The following MBD5 variants were observed in gnomAD, a reference collection of about 807,000 sequenced individuals.
MBD5 encodes the protein methyl-CpG-binding domain protein 5.
In MBD5, 13 loss-of-function variants were observed where a neutral mutation model predicts 117.3. The ratio of observed to expected loss-of-function variants is 0.11; its 90% CI spans 0.07 to 0.18. The LOEUF (loss-of-function observed/expected upper bound fraction) is 0.18. Ranked by LOEUF, MBD5 falls within the 10% of genes least tolerant of loss-of-function variation. The probability of loss-of-function intolerance (pLI) is 1.00; values close to 1 mark genes in which losing one functional copy is unlikely to be tolerated. For missense variants in MBD5, 1,879 were observed against 2,093.8 expected (o/e 0.90, Z 2.00); for synonymous variants, 727 against 766.4 (o/e 0.95, Z 0.85).
intron 1 of MBD5, among the ~76,000 whole-genome samples, chr2:148,087,003 A>T (rs1034070217): frequency 2.0e-5 from 3 of 152,066 alleles, no homozygotes; most frequent in African/African-American, 4.8e-5. Context: ...TGCAGTTATT[A>T]AAAAAAACTG....
intron 2 of MBD5, among the ~76,000 whole-genome samples, chr2:148,223,774 G>A (rs774093679): frequency 3.3e-5 from 5 of 151,808 alleles, no homozygotes; most frequent in African/African-American, 4.8e-5. Context: ...TTTGGGTTTG[G>A]TTTGCTCTTG....
At chr2:148,370,228 T>C (rs917786829) in intron 4 of MBD5, among the ~76,000 whole-genome samples, 1 of 152,142 alleles carries the variant, frequency 6.6e-6, no homozygotes, top group Non-Finnish European at 1.5e-5. Context: ...TATCAAAATA[T>C]CCTCAATTTT....
intron 3 of MBD5, among the ~76,000 whole-genome samples, chr2:148,324,265 G>T (rs564833742): frequency 4.6e-5 from 7 of 152,194 alleles, no homozygotes. Context: ...ATAGTTTGAA[G>T]TCAGGTAGTG....
At chr2:148,039,779 G>A (rs1694303875) in intron 1 of MBD5, among the ~76,000 whole-genome samples, 2 of 152,102 alleles carry the variant, frequency 1.3e-5, no homozygotes, top group Non-Finnish European at 2.9e-5. Flanking sequence ...GTGTTTTAAG[G>A]AGTTATGTTA....
chr2:148,081,903 G>A (rs1261830702), intron 1 of MBD5, among the ~76,000 whole-genome samples: 1 of 152,188 alleles, frequency 6.6e-6, no homozygotes, highest in Non-Finnish European at 1.5e-5. Flanking sequence ...CATCTTGAGA[G>A]TGATTGCATT....
chr2:148,360,159 A>G (rs1703492838), intron 4 of MBD5, among the ~76,000 whole-genome samples: 1 of 152,178 alleles, frequency 6.6e-6, no homozygotes, highest in African/African-American at 2.4e-5. Context: ...AAAATGTATT[A>G]TAAACCCTCC....
intron 1 of MBD5, among the ~76,000 whole-genome samples, chr2:148,051,681 C>A (rs1694708357): frequency 6.8e-6 from 1 of 147,874 alleles, no homozygotes. Flanking sequence ...TTGTCATATG[C>A]TTTTTCTGCA....
intron 4 of MBD5, among the ~76,000 whole-genome samples, chr2:148,422,849 A>G (rs1003598493): frequency 6.6e-6 from 1 of 152,210 alleles, no homozygotes; most frequent in Admixed American, 6.5e-5. Flanking sequence ...ATGAAGATCA[A>G]TTTAATGAAA....
intron 3 of MBD5, among the ~76,000 whole-genome samples, chr2:148,275,401 AG>A (rs1188505878): frequency 6.6e-6 from 1 of 152,104 alleles, no homozygotes; most frequent in Non-Finnish European, 1.5e-5. Flanking sequence ...ATGTATGTAG[AG>A]AGAGGGATTT....
At chr2:148,063,768 G>A (rs937635634) in intron 1 of MBD5, among the ~76,000 whole-genome samples, 1 of 152,000 alleles carries the variant, frequency 6.6e-6, no homozygotes, top group Non-Finnish European at 1.5e-5. Context: ...TAATATTGCT[G>A]TTTTCTTATT....
At chr2:148,344,904 AAAGT>A (rs2105172999) in intron 4 of MBD5, among the ~76,000 whole-genome samples, 1 of 152,022 alleles carries the variant, frequency 6.6e-6, no homozygotes, top group South Asian at 2.1e-4. Flanking sequence ...AGAATCTCTA[AAAGT>A]AAGTGTTATA....
At chr2:148,226,142 T>C (rs1699811788) in intron 2 of MBD5, among the ~76,000 whole-genome samples, 2 of 152,200 alleles carry the variant, frequency 1.3e-5, no homozygotes, top group Non-Finnish European at 2.9e-5. Flanking sequence ...CTTTAAGTTT[T>C]AGGGTACATT....
At chr2:148,122,244 C>G (rs4972329) in intron 1 of MBD5, among the ~76,000 whole-genome samples, 63,295 of 151,956 alleles carry the variant, frequency 0.42, 13,385 homozygotes, top group Middle Eastern at 0.54. Context: ...AGTTGCCTTT[C>G]TCTTTACACC....
At chr2:148,206,189 C>T (rs747323912) in intron 2 of MBD5, among the ~76,000 whole-genome samples, 11 of 151,108 alleles carry the variant, frequency 7.3e-5, no homozygotes, top group South Asian at 2.1e-4. Context: ...TATATACACA[C>T]GCATATATAT....
chr2:148,272,356 A>G (rs1701005735), intron 3 of MBD5, among the ~76,000 whole-genome samples: 1 of 152,202 alleles, frequency 6.6e-6, no homozygotes, highest in Admixed American at 6.5e-5. Context: ...AGGAACTTCC[A>G]TACTGTTTTC....
chr2:148,435,735 G>C (rs185871630), intron 4 of MBD5, among the ~76,000 whole-genome samples: 63 of 152,226 alleles, frequency 4.1e-4, no homozygotes, highest in African/African-American at 1.5e-3. Flanking sequence ...TGGTCTTCTT[G>C]TGTAATATCT....
intron 4 of MBD5, among the ~76,000 whole-genome samples, chr2:148,349,215 G>C (rs1052362653): frequency 1.3e-5 from 2 of 151,818 alleles, no homozygotes; most frequent in Non-Finnish European, 2.9e-5. Context: ...CCAATTTTCT[G>C]ATCCTAGATT....
At chr2:148,385,569 A>G (rs1160665499) in intron 4 of MBD5, among the ~76,000 whole-genome samples, 1 of 152,164 alleles carries the variant, frequency 6.6e-6, no homozygotes, top group Non-Finnish European at 1.5e-5. Flanking sequence ...TCAGGGATCT[A>G]GAACTAGAAA....
At chr2:148,136,593 A>T (rs1017475128) in intron 1 of MBD5, among the ~76,000 whole-genome samples, 2 of 152,170 alleles carry the variant, frequency 1.3e-5, no homozygotes, top group Non-Finnish European at 2.9e-5. Flanking sequence ...TTCTGAAGGC[A>T]TTAGGTCAAT....
Sources: allele counts gnomAD v4.1 joint callset (sites outside exome capture counted in the v4.1 genomes callset), GRCh38; gene constraint gnomAD v4.1.1; transcripts MANE v1.5; gene names NCBI Gene and HGNC (gene_info 2026-07-23, HGNC 2026-07-21).